Variants in ELOVL7 observed in about 807,000 individuals in gnomAD.
ELOVL7 encodes very long chain fatty acid elongase 7.
A neutral mutation model predicts 35.7 loss-of-function variants in ELOVL7; 27 were observed. That is an observed-to-expected ratio of 0.76 (90% CI 0.56 to 1.04). The LOEUF (loss-of-function observed/expected upper bound fraction) is 1.04, where lower values mean the gene tolerates loss of function less well. Among genes scored for constraint, ELOVL7 ranks in the 50% least tolerant of loss-of-function variants. ELOVL7 has a pLI of 0.00. For synonymous variants in ELOVL7, 113 were observed against 114.6 expected, an observed-to-expected ratio of 0.99 and a Z score of 0.09; for missense variants, 327 against 340.8, an observed-to-expected ratio of 0.96 and a Z score of 0.32.
At chr5:60,799,006 ATCTTT>A (rs1193360241) in intron 2 of ELOVL7, among the ~76,000 whole-genome samples, 169 bp downstream of exon 2, 1 of 152,238 alleles carries the variant, frequency 6.6e-6, no homozygotes, top group Admixed American at 6.5e-5. Context: ...CATATCAAGC[ATCTTT>A]TCTTGTCACA....
intron 3 of ELOVL7, among the ~76,000 whole-genome samples, chr5:60,786,769 C>T (rs967426778): frequency 2.2e-4 from 33 of 151,872 alleles, no homozygotes; most frequent in African/African-American, 7.5e-4. Flanking sequence ...AGTGAAACCC[C>T]GTCTCTACTA....
chr5:60,762,270 C>T (rs1467845009), intron 7 of ELOVL7, among the ~76,000 whole-genome samples: 3 of 146,940 alleles, frequency 2.0e-5, no homozygotes, highest in Non-Finnish European at 4.5e-5. Context: ...CTGCACTCCA[C>T]CCTGGACAAC....
At chr5:60,807,518 T>C (rs373917161) in intron 1 of ELOVL7, among the ~76,000 whole-genome samples, 69 of 108,692 alleles carry the variant, frequency 6.3e-4, no homozygotes, top group Middle Eastern at 4.7e-3. Context: ...AGTGCCCTAA[T>C]ATTCATTTGA....
chr5:60,798,618 T>A (rs926705870), intron 2 of ELOVL7, among the ~76,000 whole-genome samples: 3 of 152,292 alleles, frequency 2.0e-5, no homozygotes, highest in African/African-American at 4.8e-5. Context: ...AGAGATAAGA[T>A]CATTATATGG....
chr5:60,799,044 T>C (rs1489227294), intron 2 of ELOVL7, 136 bp downstream of exon 2: 1 of 151,896 alleles, frequency 6.6e-6, no homozygotes, highest in African/African-American at 2.4e-5. Context: ...TACAAATCAA[T>C]AACAGGAAGA....
intron 7 of ELOVL7, among the ~76,000 whole-genome samples, chr5:60,759,847 T>C (rs1367283970): frequency 6.6e-6 from 1 of 152,052 alleles, no homozygotes; most frequent in Non-Finnish European, 1.5e-5. Context: ...GTCCATGTGT[T>C]CTCATTGTTC....
intron 3 of ELOVL7, among the ~76,000 whole-genome samples, chr5:60,773,317 G>A (rs1370132644): frequency 6.6e-6 from 1 of 152,138 alleles, no homozygotes; most frequent in Non-Finnish European, 1.5e-5. Context: ...AGAAGGGTAG[G>A]GAGAATGTAG....
intron 3 of ELOVL7, among the ~76,000 whole-genome samples, chr5:60,773,064 T>G (rs1742694577): frequency 6.6e-6 from 1 of 152,152 alleles, no homozygotes; most frequent in Non-Finnish European, 1.5e-5. Context: ...AAACAAAAAC[T>G]TATCTGCTTA....
At chr5:60,778,154 T>G (rs751723112) in intron 3 of ELOVL7, among the ~76,000 whole-genome samples, 106 of 152,318 alleles carry the variant, frequency 7.0e-4, no homozygotes, top group Non-Finnish European at 1.2e-3. Context: ...AATGGCAAGC[T>G]TTCTAGGATG....
chr5:60,764,026 T>C (rs1044821646), intron 7 of ELOVL7, among the ~76,000 whole-genome samples: 1 of 152,124 alleles, frequency 6.6e-6, no homozygotes. Flanking sequence ...CCAGAAGTTA[T>C]GTATATCTAA....
chr5:60,791,267 G>A (rs1003409798), intron 2 of ELOVL7, among the ~76,000 whole-genome samples: 2 of 152,106 alleles, frequency 1.3e-5, no homozygotes, highest in Non-Finnish European at 2.9e-5. Context: ...GTGAGAAACC[G>A]CACCCAGCCA....
rs565374742 is a variant in ELOVL7, at chr5:60,764,740, T to C, written c.394-408A>G. On this transcript the variant is annotated intron_variant, in intron 6 of 8. Transcript: ENST00000508821. ...TGCTTTCTAATACATCTTACTGATA[T>C]GGATAAGGGATTAGGCAAACGAAGA... Among the ~76,000 whole-genome samples, 3 of 152,110 alleles carry C rather than the reference T, an allele frequency of 2.0e-5. No homozygotes were observed. The East Asian group carries it at 5.8e-4, about 29-fold the overall frequency.
chr5:60,770,925 C>T (rs976586580), intron 4 of ELOVL7, among the ~76,000 whole-genome samples: 3 of 152,124 alleles, frequency 2.0e-5, no homozygotes, highest in Non-Finnish European at 2.9e-5. Flanking sequence ...GTCTCAAACT[C>T]CTGGGCCCAA....
intron 1 of ELOVL7, among the ~76,000 whole-genome samples, chr5:60,821,301 A>T (rs1414775695): frequency 6.6e-6 from 1 of 152,068 alleles, no homozygotes; most frequent in Non-Finnish European, 1.5e-5. Context: ...TCTAACCCCA[A>T]TTCCTAGGCA....
intron 1 of ELOVL7, among the ~76,000 whole-genome samples, chr5:60,841,875 T>C (rs1043930174): frequency 6.6e-6 from 1 of 152,214 alleles, no homozygotes; most frequent in Non-Finnish European, 1.5e-5. Context: ...TTTGTGACAA[T>C]GGAGTGAACA....
At chr5:60,791,844 T>C (rs1447038768) in intron 2 of ELOVL7, among the ~76,000 whole-genome samples, 2 of 152,200 alleles carry the variant, frequency 1.3e-5, no homozygotes, top group African/African-American at 4.8e-5. Context: ...GAGTGAAATA[T>C]TCTAGTTTTA....
rs771125083 is a variant in ELOVL7, at chr5:60,754,626, A to T, written c.844T>A (p.Ter282ArgextTer4). ...CGATCATAGACTTATGTTGGGCTTC[A>T]ATTATCTTTGTTTTTGCAAGTTCCA... ...KNGTCKNKDN[*>R] The change falls in exon 9 of 9, where the codon TGA becomes AGA. Residue 282 changes from the stop codon to arginine, a stop_lost. Transcript: ENST00000508821. 1 of 1,613,508 alleles carries T rather than the reference A, an allele frequency of 6.2e-7. No homozygotes were observed. The highest frequency in any genetic ancestry group is 1.1e-5 in the South Asian group (1 of 91,070).
At chr5:60,786,751 C>T (rs533726525) in intron 3 of ELOVL7, among the ~76,000 whole-genome samples, 1 of 152,022 alleles carries the variant, frequency 6.6e-6, no homozygotes, top group African/African-American at 2.4e-5. Flanking sequence ...TCAAGACCAT[C>T]CTAACACAGT....
At chr5:60,795,219 C>T (rs10076742) in intron 2 of ELOVL7, among the ~76,000 whole-genome samples, 87,938 of 151,620 alleles carry the variant, frequency 0.58, 26,233 homozygotes, top group East Asian at 0.89. Context: ...TGAAAGCCTC[C>T]CCGAGAGGAA....
Sources: allele counts gnomAD v4.1 joint callset (sites outside exome capture counted in the v4.1 genomes callset), GRCh38; gene constraint gnomAD v4.1.1; transcripts MANE v1.5; gene names NCBI Gene and HGNC (gene_info 2026-07-23, HGNC 2026-07-21).